ANK2: variants seen among roughly 807,000 people sequenced by gnomAD.
The protein encoded by ANK2 is ankyrin-2.
Under a neutral mutation model 360.5 loss-of-function variants are expected in ANK2, and 83 were observed. That is an observed-to-expected ratio of 0.23 (90% CI 0.19 to 0.28). The LOEUF is 0.28. Ranked by LOEUF, ANK2 falls within the 10% of genes least tolerant of loss-of-function variation. The pLI, the probability that ANK2 is intolerant of heterozygous loss-of-function variation, is 1.00. For missense variants in ANK2, 4,201 were observed against 4,795.7 expected (o/e 0.88, Z 3.66); for synonymous variants, 1,740 against 1,759.5 (o/e 0.99, Z 0.28).
rs80325629 is a variant in ANK2 at position 113,234,609 on chromosome 4, A to G, written c.483+2350A>G. Among the ~76,000 whole-genome samples the G allele has an allele frequency of 3.0e-3, 451 of 152,284 alleles. 3 individuals carry two copies. Among genetic ancestry groups the G allele is most frequent in the African/African-American group, 0.01 (425 of 41,544 alleles). Reference sequence around the variant, plus strand: ...ATTTGATATCCTGTGTTATACTGCTAAATACCTTCTACAGTCTTATGTGCC... The same window carrying G: ...ATTTGATATCCTGTGTTATACTGCTGAATACCTTCTACAGTCTTATGTGCC... On this transcript the variant is annotated intron_variant, in intron 5 of 45. Coordinates refer to ENST00000357077, the MANE Select transcript of ANK2 (RefSeq NM_001148.6).
intron 1 of ANK2, among the ~76,000 whole-genome samples, chr4:112,892,364 T>C (rs1038092203): frequency 1.3e-5 from 2 of 152,250 alleles, no homozygotes; most frequent in Non-Finnish European, 2.9e-5. Context: ...GCCCCAGCTA[T>C]TTCATTGGTA....
chr4:112,860,193 G>A (rs1342244819), intron 1 of ANK2, among the ~76,000 whole-genome samples: 1 of 152,096 alleles, frequency 6.6e-6, no homozygotes, highest in Admixed American at 6.5e-5. Context: ...CATTTAATGG[G>A]ACCTAAGTTT....
chr4:112,829,295 G>T (rs1282472374), intron 1 of ANK2, among the ~76,000 whole-genome samples: 1 of 151,996 alleles, frequency 6.6e-6, no homozygotes, highest in African/African-American at 2.4e-5. Context: ...TACTGTATTA[G>T]AGTCTATTTC....
intron 17 of ANK2, among the ~76,000 whole-genome samples, chr4:113,280,952 T>C (rs902648069): frequency 3.9e-5 from 6 of 152,232 alleles, no homozygotes; most frequent in Non-Finnish European, 7.3e-5. Context: ...GTGTCCTTTT[T>C]TTCAATAGAG....
At chr4:113,053,123 T>G (rs1215430373) in intron 1 of ANK2, among the ~76,000 whole-genome samples, 1 of 152,188 alleles carries the variant, frequency 6.6e-6, no homozygotes, top group Non-Finnish European at 1.5e-5. Context: ...AGAGTGGCCT[T>G]GTCTGATGCT....
intron 26 of ANK2, among the ~76,000 whole-genome samples, chr4:113,328,146 C>T (rs925033608): frequency 6.6e-6 from 1 of 151,992 alleles, no homozygotes; most frequent in Non-Finnish European, 1.5e-5. Context: ...TACTAAATGC[C>T]TTCAAAGGTA....
At chr4:112,736,608 G>A in the ANK2 span, among the ~76,000 whole-genome samples, 1 of 152,176 alleles carries the variant, frequency 6.6e-6, no homozygotes, top group Non-Finnish European at 1.5e-5. Flanking sequence ...CTTCACAATG[G>A]CAGATTTCAG....
At chr4:113,001,450 T>A (rs1277621403) in intron 2 of ANK2, among the ~76,000 whole-genome samples, 1 of 152,182 alleles carries the variant, frequency 6.6e-6, no homozygotes, top group Non-Finnish European at 1.5e-5. Context: ...GTCAAGTGGT[T>A]GACATATTCT....
At chr4:112,838,769 TGAGGCAGGAGAATAGCTTGAACCTGG>T (rs1220083012) in intron 1 of ANK2, among the ~76,000 whole-genome samples, 2 of 152,196 alleles carry the variant, frequency 1.3e-5, no homozygotes, top group Non-Finnish European at 2.9e-5. Context: ...CTCGGGAGGC[TGAGGCAGGAGAATAGCTTGAACCTGG>T]GAGGCAGAGG....
intron 1 of ANK2, among the ~76,000 whole-genome samples, chr4:113,075,728 T>A (rs2079656377): frequency 6.6e-6 from 1 of 152,228 alleles, no homozygotes; most frequent in Non-Finnish European, 1.5e-5. Context: ...GAATATTTTA[T>A]GGATGGGTAT....
At chr4:112,777,419 T>C in the ANK2 span, among the ~76,000 whole-genome samples, 1 of 151,846 alleles carries the variant, frequency 6.6e-6, no homozygotes, top group Non-Finnish European at 1.5e-5. Flanking sequence ...TTTGTATTTG[T>C]TTTAGTAGAG....
intron 2 of ANK2, among the ~76,000 whole-genome samples, chr4:112,919,458 CAATT>C (rs1008693465): frequency 1.3e-5 from 2 of 152,098 alleles, no homozygotes; most frequent in East Asian, 1.9e-4. Flanking sequence ...GGAAATAAAA[CAATT>C]AGTTTATTTT....
intron 1 of ANK2, among the ~76,000 whole-genome samples, chr4:113,065,781 G>A (rs907473438): frequency 9.2e-5 from 14 of 152,102 alleles, no homozygotes; most frequent in African/African-American, 3.4e-4. Context: ...ACATCAAGTG[G>A]GGTACTGAGC....
intron 10 of ANK2, among the ~76,000 whole-genome samples, chr4:113,251,414 T>C (rs924917772): frequency 5.3e-5 from 8 of 150,966 alleles, no homozygotes; most frequent in Non-Finnish European, 1.0e-4. Context: ...ATTGAGTAGA[T>C]ACAATTTGCC....
intron 1 of ANK2, among the ~76,000 whole-genome samples, chr4:113,161,747 T>C (rs1353146332): frequency 6.6e-6 from 1 of 151,596 alleles, no homozygotes; most frequent in African/African-American, 2.4e-5. Flanking sequence ...TGTGCATGTA[T>C]GCGCTGCAAT....
At chr4:112,784,622 C>T in the ANK2 span, among the ~76,000 whole-genome samples, 3 of 152,020 alleles carry the variant, frequency 2.0e-5, no homozygotes, top group African/African-American at 7.2e-5. Flanking sequence ...GGATTACAAG[C>T]GTGAGCCACC....
intron 2 of ANK2, among the ~76,000 whole-genome samples, chr4:112,943,806 G>C (rs1440887182): frequency 6.6e-6 from 1 of 152,052 alleles, no homozygotes; most frequent in African/African-American, 2.4e-5. Flanking sequence ...TTGGGGGAGA[G>C]GGTAAGGGTA....
At chr4:113,167,470 T>G (rs1298045705) in intron 1 of ANK2, among the ~76,000 whole-genome samples, 1 of 151,962 alleles carries the variant, frequency 6.6e-6, no homozygotes, top group African/African-American at 2.4e-5. Context: ...TGGCTAATTT[T>G]GTGTTTTTAG....
chr4:113,095,844 T>C (rs925298216), intron 1 of ANK2, among the ~76,000 whole-genome samples: 2 of 152,218 alleles, frequency 1.3e-5, no homozygotes, highest in African/African-American at 4.8e-5. Flanking sequence ...AGTAGTTAAC[T>C]GCAGGCTCTC....
Sources: allele counts gnomAD v4.1 joint callset (sites outside exome capture counted in the v4.1 genomes callset), GRCh38; gene constraint gnomAD v4.1.1; transcripts MANE v1.5; gene names NCBI Gene and HGNC (gene_info 2026-07-23, HGNC 2026-07-21).